CSMD3: variants seen among roughly 807,000 people sequenced by gnomAD.
CSMD3 encodes the protein CUB and Sushi multiple domains 3.
In CSMD3, 177 loss-of-function variants were observed where a neutral mutation model predicts 435.2. The observed-to-expected ratio is 0.41, with a 90% CI of 0.36 to 0.46. CSMD3 has a LOEUF of 0.46. CSMD3 is among the 20% of genes least tolerant of loss of function. The probability of loss-of-function intolerance (pLI) is 0.34; values close to 1 mark genes in which losing one functional copy is unlikely to be tolerated. For missense variants in CSMD3, 4,265 were observed against 4,504.6 expected, an observed-to-expected ratio of 0.95 and a Z score of 1.52; for synonymous variants, 1,656 against 1,520.5, an observed-to-expected ratio of 1.09 and a Z score of -2.07.
chr8:113,310,492 G>C (rs539723612), intron 2 of CSMD3: 18 of 151,680 alleles, frequency 1.2e-4, no homozygotes, highest in African/African-American at 4.3e-4. Context: ...AAGAATAAAT[G>C]AATTATGTAA....
intron 1 of CSMD3, among the ~76,000 whole-genome samples, chr8:113,427,640 TTTTTAA>T (rs2094643797): frequency 6.6e-6 from 1 of 151,688 alleles, no homozygotes; most frequent in African/African-American, 2.4e-5. Flanking sequence ...TACCCCTGTA[TTTTTAA>T]CTAAAGGACA....
At chr8:112,535,626 C>T (rs942317487) in intron 27 of CSMD3, among the ~76,000 whole-genome samples, 7 of 151,940 alleles carry the variant, frequency 4.6e-5, no homozygotes, top group Non-Finnish European at 8.8e-5. Context: ...AATGCCATCC[C>T]CATCAAGCTA....
intron 13 of CSMD3, among the ~76,000 whole-genome samples, chr8:112,789,381 T>C (rs1036736853): frequency 1.3e-5 from 2 of 152,090 alleles, no homozygotes; most frequent in African/African-American, 2.4e-5. Flanking sequence ...CTACTTAATC[T>C]AAGCTTCTAG....
chr8:113,351,998 T>C (rs1431748413), intron 1 of CSMD3, among the ~76,000 whole-genome samples: 1 of 152,118 alleles, frequency 6.6e-6, no homozygotes, highest in Admixed American at 6.6e-5. Flanking sequence ...ACCTTGAACT[T>C]CCATGAATGT....
intron 27 of CSMD3, among the ~76,000 whole-genome samples, chr8:112,545,355 C>T (rs368199879): frequency 4.0e-5 from 6 of 151,262 alleles, no homozygotes; most frequent in Admixed American, 2.0e-4. Flanking sequence ...TGGTGGCACG[C>T]GCCTGTAATC....
rs558470360 is a variant in CSMD3, at chr8:113,273,557, T to C, written c.514+5035A>G. Among the ~76,000 whole-genome samples, 107 of 152,154 alleles carry C rather than the reference T, an allele frequency of 7.0e-4. 1 individual carries two copies. The highest frequency in any genetic ancestry group is 1.2e-3 in the Non-Finnish European group (80 of 68,006). On this transcript the variant is annotated intron_variant, in intron 3 of 70. Transcript: ENST00000297405. ...TATATGCTACCTGCCTATTAGATAC[T>C]TATTTGTGGTCTCAGTTATCAGACT...
At chr8:112,242,162 TTTGGGTAGGGTTTACA>T (rs1299672209) in intron 65 of CSMD3, among the ~76,000 whole-genome samples, 1 of 152,036 alleles carries the variant, frequency 6.6e-6, no homozygotes, top group Non-Finnish European at 1.5e-5. Context: ...GCAAAAACTA[TTTGGGTAGGGTTTACA>T]TTTAAAAATC....
chr8:113,261,769 G>A (rs1276414928), intron 3 of CSMD3, among the ~76,000 whole-genome samples: 1 of 152,036 alleles, frequency 6.6e-6, no homozygotes, highest in Non-Finnish European at 1.5e-5. Flanking sequence ...ACCAAATGGA[G>A]ATTGAAAGAC....
At chr8:112,741,779 T>A (rs879412132) in intron 13 of CSMD3, among the ~76,000 whole-genome samples, 80 of 130,780 alleles carry the variant, frequency 6.1e-4, no homozygotes, top group Admixed American at 1.2e-3. Context: ...AGATGATAGA[T>A]AGATAGATAG....
At chr8:112,328,567 C>T (rs1212939804) in intron 45 of CSMD3, among the ~76,000 whole-genome samples, 1 of 152,116 alleles carries the variant, frequency 6.6e-6, no homozygotes, top group East Asian at 1.9e-4. Context: ...AAGTTTCTAT[C>T]ATGAGGAATG....
intron 32 of CSMD3, among the ~76,000 whole-genome samples, chr8:112,416,807 A>G (rs1811962325): frequency 6.7e-6 from 1 of 149,742 alleles, no homozygotes; most frequent in African/African-American, 2.4e-5. Flanking sequence ...ACAGTGTCAG[A>G]AAAAAAAAAC....
chr8:112,928,368 A>G (rs2082981208), intron 9 of CSMD3, among the ~76,000 whole-genome samples: 1 of 152,184 alleles, frequency 6.6e-6, no homozygotes, highest in African/African-American at 2.4e-5. Context: ...ACTGATTATT[A>G]TCATAGAGTC....
At chr8:113,135,256 A>G (rs1382500457) in intron 4 of CSMD3, among the ~76,000 whole-genome samples, 1 of 152,054 alleles carries the variant, frequency 6.6e-6, no homozygotes, top group African/African-American at 2.4e-5. Flanking sequence ...TCATTTATAA[A>G]TTGCTGATAA....
intron 50 of CSMD3, among the ~76,000 whole-genome samples, chr8:112,309,543 G>A (rs1019088267): frequency 1.3e-5 from 2 of 151,822 alleles, no homozygotes; most frequent in Admixed American, 1.3e-4. Flanking sequence ...TTAATACTAA[G>A]AACTGTAAAT....
intron 13 of CSMD3, among the ~76,000 whole-genome samples, chr8:112,690,644 C>A (rs961657414): frequency 4.1e-5 from 6 of 147,364 alleles, no homozygotes; most frequent in African/African-American, 1.5e-4. Context: ...TTTTGAATTC[C>A]AAATTACTCA....
At chr8:112,269,310 G>A (rs1433114108) in intron 59 of CSMD3, among the ~76,000 whole-genome samples, 2 of 152,142 alleles carry the variant, frequency 1.3e-5, no homozygotes, top group African/African-American at 2.4e-5. Context: ...ATTTCGATAG[G>A]TGGCTATTTG....
chr8:113,340,330 C>G (rs1390991148), intron 1 of CSMD3, among the ~76,000 whole-genome samples: 2 of 152,040 alleles, frequency 1.3e-5, no homozygotes, highest in Non-Finnish European at 2.9e-5. Context: ...GATGTTTGTA[C>G]TATTGTTTCT....
At chr8:112,304,683 A>T (rs2130775909) in intron 52 of CSMD3, 38 bp downstream of exon 52, 2 of 1,476,756 alleles carry the variant, frequency 1.4e-6, no homozygotes, top group Non-Finnish European at 1.9e-6. Context: ...ATAACCAAAC[A>T]TAGCTTATGA....
intron 1 of CSMD3, chr8:113,376,670 T>G (rs2094385272): frequency 1.3e-6 from 2 of 1,577,086 alleles, no homozygotes; most frequent in Non-Finnish European, 1.7e-6. Flanking sequence ...GGCGCCATCA[T>G]GGGAGTTGAC....
Sources: allele counts gnomAD v4.1 joint callset (sites outside exome capture counted in the v4.1 genomes callset), GRCh38; gene constraint gnomAD v4.1.1; transcripts MANE v1.5; gene names NCBI Gene and HGNC (gene_info 2026-07-23, HGNC 2026-07-21).